AKT3: variants seen among roughly 807,000 people sequenced by gnomAD.
AKT3 encodes AKT serine/threonine kinase 3, also known as RAC-gamma serine/threonine-protein kinase.
Under a neutral mutation model 65.3 loss-of-function variants are expected in AKT3, and 15 were observed. That is an observed-to-expected ratio of 0.23 (90% CI 0.15 to 0.35). AKT3 has a LOEUF of 0.35. Ranked by LOEUF, AKT3 falls within the 10% of genes least tolerant of loss-of-function variation. The probability of loss-of-function intolerance (pLI) is 1.00; values close to 1 mark genes in which losing one functional copy is unlikely to be tolerated. For synonymous variants in AKT3, 206 were observed against 183.8 expected, an observed-to-expected ratio of 1.12 and a Z score of -0.98; for missense variants, 243 against 576.5, an observed-to-expected ratio of 0.42 and a Z score of 5.92.
At chr1:243,783,867 T>C (rs532684177) in intron 2 of AKT3, among the ~76,000 whole-genome samples, 15 of 152,262 alleles carry the variant, frequency 9.9e-5, no homozygotes, top group African/African-American at 2.9e-4. Context: ...ATTATGCTAG[T>C]ATTATAAATA....
At chr1:243,654,310 T>C (rs1374985954) in intron 4 of AKT3, among the ~76,000 whole-genome samples, 2 of 152,162 alleles carry the variant, frequency 1.3e-5, no homozygotes, top group African/African-American at 4.8e-5. Flanking sequence ...CTTATATAAT[T>C]AAAACACAAC....
At chr1:243,711,250 C>G (rs904135495) in intron 2 of AKT3, among the ~76,000 whole-genome samples, 1 of 152,102 alleles carries the variant, frequency 6.6e-6, no homozygotes, top group East Asian at 1.9e-4. Flanking sequence ...AACCCTTGAA[C>G]CCAGGAGGTG....
At chr1:243,821,610 C>T (rs527569180) in intron 2 of AKT3, among the ~76,000 whole-genome samples, 3 of 152,130 alleles carry the variant, frequency 2.0e-5, no homozygotes, top group African/African-American at 7.2e-5. Flanking sequence ...AAATGGAAAG[C>T]AGTAAAAAGC....
At chr1:243,515,018 T>C (rs917922525) in intron 12 of AKT3, among the ~76,000 whole-genome samples, 2 of 152,238 alleles carry the variant, frequency 1.3e-5, no homozygotes, top group African/African-American at 4.8e-5. Context: ...GATTTGCTTG[T>C]ATTTTAAAGA....
intron 2 of AKT3, among the ~76,000 whole-genome samples, chr1:243,830,713 G>A (rs1694454353): frequency 1.3e-5 from 2 of 152,260 alleles, no homozygotes; most frequent in Admixed American, 6.5e-5. Context: ...CATGAAATCA[G>A]AGGTACTTTA....
chr1:243,714,682 G>A (rs891235525), intron 2 of AKT3, among the ~76,000 whole-genome samples: 3 of 152,208 alleles, frequency 2.0e-5, no homozygotes, highest in East Asian at 3.9e-4. Context: ...ATCTGGCACG[G>A]GGAGGAGAAT....
At chr1:243,777,442 A>G (rs1434723643) in intron 2 of AKT3, among the ~76,000 whole-genome samples, 1 of 152,216 alleles carries the variant, frequency 6.6e-6, no homozygotes, top group Non-Finnish European at 1.5e-5. Context: ...TAAAACAGGT[A>G]GGGTATGAGA....
chr1:243,609,959 T>C (rs1208708320), intron 8 of AKT3, among the ~76,000 whole-genome samples: 3 of 152,176 alleles, frequency 2.0e-5, no homozygotes, highest in Non-Finnish European at 2.9e-5. Context: ...TCTGTTATGA[T>C]AGAAGTGATA....
chr1:243,657,520 T>A (rs1377381458), intron 4 of AKT3, among the ~76,000 whole-genome samples: 1 of 152,044 alleles, frequency 6.6e-6, no homozygotes, highest in Non-Finnish European at 1.5e-5. Flanking sequence ...TGGAAAGACA[T>A]CCCATGTTCA....
chr1:243,718,658 A>G (rs977864712), intron 2 of AKT3, among the ~76,000 whole-genome samples: 3 of 150,364 alleles, frequency 2.0e-5, no homozygotes, highest in African/African-American at 7.3e-5. Context: ...TTTTTTCAGT[A>G]GAGACGGGGT....
chr1:243,528,818 A>G (rs1431268442), intron 12 of AKT3, among the ~76,000 whole-genome samples: 1 of 152,176 alleles, frequency 6.6e-6, no homozygotes, highest in Non-Finnish European at 1.5e-5. Flanking sequence ...AAGAATTTAC[A>G]TTCCAATAAT....
At chr1:243,539,696 A>T (rs1368212583) in intron 12 of AKT3, among the ~76,000 whole-genome samples, 1 of 152,242 alleles carries the variant, frequency 6.6e-6, no homozygotes, top group Non-Finnish European at 1.5e-5. Context: ...GATATCTGAA[A>T]AATCCATATA....
chr1:243,773,591 C>A (rs1690340892), intron 2 of AKT3, among the ~76,000 whole-genome samples: 2 of 152,024 alleles, frequency 1.3e-5, no homozygotes, highest in East Asian at 3.9e-4. Context: ...AGTGACTGTG[C>A]CCCAGCCTGG....
At chr1:243,699,334 C>G (rs1348119300) in intron 2 of AKT3, among the ~76,000 whole-genome samples, 1 of 151,004 alleles carries the variant, frequency 6.6e-6, no homozygotes, top group African/African-American at 2.4e-5. Flanking sequence ...TATGATGTAC[C>G]AAGTATCCCA....
At chr1:243,741,998 T>C (rs1191087801) in intron 2 of AKT3, among the ~76,000 whole-genome samples, 5 of 146,432 alleles carry the variant, frequency 3.4e-5, no homozygotes, top group Admixed American at 7.0e-5. Flanking sequence ...CAGTTTGTGA[T>C]AGGCCATTCT....
intron 13 of AKT3, among the ~76,000 whole-genome samples, chr1:243,493,432 C>T (rs1008027098): frequency 6.6e-6 from 1 of 152,108 alleles, no homozygotes; most frequent in Non-Finnish European, 1.5e-5. Context: ...AATTATCTGT[C>T]CACTTAGAGG....
intron 2 of AKT3, among the ~76,000 whole-genome samples, chr1:243,842,422 A>G (rs1344597323): frequency 6.6e-6 from 1 of 152,208 alleles, no homozygotes; most frequent in African/African-American, 2.4e-5. Flanking sequence ...AAATATATTG[A>G]CCACATAAGC....
chr1:243,573,177 C>T (rs1344170313), intron 8 of AKT3, 129 bp from the exon 9 acceptor site: 4 of 989,186 alleles, frequency 4.0e-6, no homozygotes, highest in African/African-American at 3.3e-5. Context: ...GGACACTGAG[C>T]ACTCTTAGAC....
intron 9 of AKT3, among the ~76,000 whole-genome samples, chr1:243,570,695 C>T (rs1004010937): frequency 1.3e-5 from 2 of 152,106 alleles, no homozygotes; most frequent in East Asian, 1.9e-4. Flanking sequence ...TATAAATAAT[C>T]CTGTTACTGT....
Sources: gnomAD v4.1 joint callset for allele counts (sites outside exome capture counted in the v4.1 genomes callset) on GRCh38, gnomAD v4.1.1 for gene constraint, MANE v1.5 for transcripts, NCBI Gene and HGNC (gene_info 2026-07-23, HGNC 2026-07-21) for gene names.